Variants in FMN1 observed in about 807,000 individuals in gnomAD.
FMN1 encodes formin-1.
A neutral mutation model predicts 132.4 loss-of-function variants in FMN1; 110 were observed. The ratio of observed to expected loss-of-function variants is 0.83; its 90% CI spans 0.71 to 0.97. The LOEUF (loss-of-function observed/expected upper bound fraction) is 0.97. Ranked by LOEUF, FMN1 falls within the 50% of genes least tolerant of loss-of-function variation. FMN1 has a pLI of 0.00. For missense variants in FMN1, 1,792 were observed against 1,705.3 expected (o/e 1.05, Z -0.90); for synonymous variants, 722 against 651.7 (o/e 1.11, Z -1.64).
At chr15:32,892,368 T>G (rs1055405719) in intron 15 of FMN1, among the ~76,000 whole-genome samples, 1 of 152,220 alleles carries the variant, frequency 6.6e-6, no homozygotes, top group African/African-American at 2.4e-5. Flanking sequence ...TTTATTAACT[T>G]GCGTATGTTA....
intron 4 of FMN1, among the ~76,000 whole-genome samples, chr15:33,147,365 T>C (rs890718617): frequency 6.6e-6 from 1 of 152,218 alleles, no homozygotes; most frequent in Non-Finnish European, 1.5e-5. Context: ...AAATTTAATA[T>C]CTATTTATTT....
At chr15:32,828,754 A>AT (rs1332415340) in intron 17 of FMN1, among the ~76,000 whole-genome samples, 4 of 152,168 alleles carry the variant, frequency 2.6e-5, no homozygotes, top group Non-Finnish European at 2.9e-5. Context: ...ACCAAATCAT[A>AT]TTTTTTTAGT....
chr15:32,822,889 TCTC>T (rs1457493992), intron 17 of FMN1, among the ~76,000 whole-genome samples: 1 of 152,178 alleles, frequency 6.6e-6, no homozygotes, highest in Non-Finnish European at 1.5e-5. Flanking sequence ...AGGTGTAAAT[TCTC>T]CTGTTTGTTG....
At chr15:32,990,559 C>A (rs531000250) in intron 7 of FMN1, among the ~76,000 whole-genome samples, 4 of 152,218 alleles carry the variant, frequency 2.6e-5, no homozygotes, top group Non-Finnish European at 4.4e-5. Context: ...GTCAAAGCAA[C>A]AGTATGGTCA....
At chr15:33,088,728 TTAAA>T (rs1223254758) in intron 5 of FMN1, 67 bp downstream of exon 5, 1 of 1,306,986 alleles carries the variant, frequency 7.7e-7, no homozygotes, top group Non-Finnish European at 1.0e-6. Flanking sequence ...ACAATTTACA[TTAAA>T]TACATATTAA....
At chr15:32,824,856 A>G (rs545053813) in intron 17 of FMN1, among the ~76,000 whole-genome samples, 5 of 152,170 alleles carry the variant, frequency 3.3e-5, no homozygotes, top group Non-Finnish European at 7.3e-5. Context: ...TCAACATCAG[A>G]TTTGCATTTC....
At chr15:33,064,308 TTACA>T (rs2037618193) in intron 6 of FMN1, 1 of 152,210 alleles carries the variant, frequency 6.6e-6, no homozygotes, top group Admixed American at 6.5e-5. Flanking sequence ...TCTTAATATC[TTACA>T]TACCCATCCT....
chr15:33,109,983 C>T (rs1420768460), intron 4 of FMN1, among the ~76,000 whole-genome samples: 1 of 151,960 alleles, frequency 6.6e-6, no homozygotes, highest in East Asian at 1.9e-4. Flanking sequence ...ACAGCAAGTT[C>T]CCATTAAATA....
chr15:33,015,668 A>AC (rs1277603773), intron 6 of FMN1, among the ~76,000 whole-genome samples: 1 of 151,494 alleles, frequency 6.6e-6, no homozygotes, highest in African/African-American at 2.4e-5. Flanking sequence ...TTTACCCACT[A>AC]CCTCACATTG....
intron 5 of FMN1, among the ~76,000 whole-genome samples, chr15:33,066,229 GCGTTTACCATCAA>G (rs2141251970): frequency 6.6e-6 from 1 of 152,230 alleles, no homozygotes; most frequent in South Asian, 2.1e-4. Context: ...TTTTATAAGT[GCGTTTACCATCAA>G]CGTTTAAATT....
At chr15:33,008,900 T>C (rs921588395) in intron 6 of FMN1, among the ~76,000 whole-genome samples, 12 of 152,152 alleles carry the variant, frequency 7.9e-5, no homozygotes, top group African/African-American at 2.7e-4. Flanking sequence ...ACAAATGTGT[T>C]TGGGGTCATG....
In FMN1 at chr15:33,153,120, G is replaced by A; in HGVS notation, c.1795C>T (p.Pro599Ser). Residue 599 changes from proline (P) to serine (S), a missense_variant, in exon 4 of 21, where the codon CCT becomes TCT. This residue lies in a region of FMN1 where 1,150 missense variants were observed against 1,043.1 expected (regional missense o/e 1.10). Transcript: ENST00000616417. The part of the protein sequence containing the change: ...FLRAGQPRLV[P>S]GETLEKSLGP... ...AAGCTCTTTTCCAAAGTTTCCCCAG[G>A]CACCAACCGAGGTTGGCCTGCTCTG... 6.5e-7 allele frequency: 1 copy of A among 1,536,048 alleles called. No individual in the cohort carries two copies. Among genetic ancestry groups the A allele is most frequent in the African/African-American group, 1.4e-5 (1 of 73,138 alleles).
intron 4 of FMN1, among the ~76,000 whole-genome samples, chr15:33,116,495 T>C (rs2039930847): frequency 6.6e-6 from 1 of 152,344 alleles, no homozygotes; most frequent in South Asian, 2.1e-4. Flanking sequence ...CTGAAGTCAT[T>C]CTAAGCCTAT....
rs192244021 is a variant in FMN1, at chr15:33,123,358, A to G, written c.1867+29690T>C. On this transcript the variant is annotated intron_variant, in intron 4 of 20. Transcript: ENST00000616417. ...CTACTGAATTAGGTAAATACTCCTG[A>G]ATCTGGCATTCAAAGCCTACTGCAC... Among the ~76,000 whole-genome samples the G allele has an allele frequency of 4.0e-3, 604 of 152,242 alleles. 2 individuals are homozygous for G. The highest frequency in any genetic ancestry group is 7.2e-3 in the Non-Finnish European group (492 of 68,024).
intron 4 of FMN1, among the ~76,000 whole-genome samples, chr15:33,099,905 CA>C (rs1324817506): frequency 6.6e-6 from 1 of 152,190 alleles, no homozygotes; most frequent in African/African-American, 2.4e-5. Context: ...CCAGAATACA[CA>C]GCTGTGGGAC....
chr15:33,188,893 C>A (rs1965980655), intron 2 of FMN1, among the ~76,000 whole-genome samples: 1 of 152,128 alleles, frequency 6.6e-6, no homozygotes, highest in South Asian at 2.1e-4. Flanking sequence ...TCTCCCATCT[C>A]AGTTTTCTCC....
At position 32,944,894 on chromosome 15, in the gene FMN1, G is replaced by A. The variant is rs546576273; in HGVS notation, c.3139-18633C>T. Among the ~76,000 whole-genome samples, 38 of 152,172 alleles carry A rather than the reference G, an allele frequency of 2.5e-4. No homozygotes were observed. The South Asian group carries it at 3.7e-3, about 15-fold the overall frequency. On this transcript the variant is annotated intron_variant, in intron 9 of 20. Transcript: ENST00000616417. ...TTTCCTATTGATCATGGAGTCTTGC[G>A]GGAAGAAAAGACCAAGAGACATCAG...
chr15:33,138,821 G>C (rs1235417588), intron 4 of FMN1, among the ~76,000 whole-genome samples: 1 of 152,176 alleles, frequency 6.6e-6, no homozygotes, highest in Non-Finnish European at 1.5e-5. Context: ...GTTCAGGGCA[G>C]AGGCTAGGAG....
chr15:32,945,417 A>C (rs983158208), intron 9 of FMN1, among the ~76,000 whole-genome samples: 22 of 152,290 alleles, frequency 1.4e-4, no homozygotes, highest in African/African-American at 5.3e-4. Context: ...AAACCTCTAA[A>C]TAACAAAGTT....
Sources: allele counts gnomAD v4.1 joint callset (sites outside exome capture counted in the v4.1 genomes callset), GRCh38; gene constraint gnomAD v4.1.1; regional missense constraint gnomAD v4.1.1; transcripts MANE v1.5; gene names NCBI Gene and HGNC (gene_info 2026-07-23, HGNC 2026-07-21).